Variants in MAP2K6 observed in about 807,000 individuals in gnomAD.
MAP2K6 encodes the protein dual specificity mitogen-activated protein kinase kinase 6.
Under a neutral mutation model 53.7 loss-of-function variants are expected in MAP2K6, and 16 were observed. The ratio of observed to expected loss-of-function variants is 0.30; its 90% CI spans 0.20 to 0.45. The LOEUF (loss-of-function observed/expected upper bound fraction) is 0.45, where lower values mean the gene tolerates loss of function less well. Ranked by LOEUF, MAP2K6 falls within the 20% of genes least tolerant of loss-of-function variation. The probability of loss-of-function intolerance (pLI) is 1.00; values close to 1 mark genes in which losing one functional copy is unlikely to be tolerated. For missense variants in MAP2K6, 204 were observed against 411.9 expected, an observed-to-expected ratio of 0.50 and a Z score of 4.37; for synonymous variants, 132 against 143.1, an observed-to-expected ratio of 0.92 and a Z score of 0.55.
rs1412551538 is a variant in MAP2K6 at position 69,463,962 on chromosome 17, C to T, written c.17-41818C>T. 5.9e-5 allele frequency among the ~76,000 whole-genome samples: 9 copies of T among 151,674 alleles called. No individual in the cohort carries two copies. In the South Asian group the frequency reaches 6.3e-4, roughly 11 times the overall value. ...TGAACCTGGGAGGCGGAGGTTGCAG[C>T]GAGCCGAGATTGCGCCACTGCACTC... On this transcript the variant is annotated intron_variant, in intron 1 of 11. Transcript: ENST00000590474.
intron 1 of MAP2K6, among the ~76,000 whole-genome samples, chr17:69,445,053 T>C (rs1323079788): frequency 2.6e-5 from 4 of 152,174 alleles, no homozygotes; most frequent in African/African-American, 4.8e-5. Context: ...CCCAAGTAGC[T>C]GAGATTACAA....
intron 2 of MAP2K6, among the ~76,000 whole-genome samples, chr17:69,511,849 G>A (rs919470715): frequency 1.3e-5 from 2 of 152,160 alleles, no homozygotes; most frequent in Non-Finnish European, 1.5e-5. Flanking sequence ...CGTGGTGGCG[G>A]GCACCTGTAA....
rs1016831149 is a variant in MAP2K6 at position 69,550,814 on chromosome 17, T to G, written c.*9061T>G. The G allele has an allele frequency of 2.0e-5, 3 of 152,186 alleles. No individual in the cohort carries two copies. The highest frequency in any genetic ancestry group is 7.2e-5 in the African/African-American group (3 of 41,434). The allele number at this position is 152,186 out of a possible 1,614,324, so 9.4% of individuals were successfully genotyped here. A position where few individuals can be genotyped will look rare whatever the true frequency, so the allele number is the denominator to read the frequency against. On this transcript the variant is annotated 3_prime_UTR_variant, in exon 12 of 12. Coordinates refer to ENST00000590474, the MANE Select transcript of MAP2K6 (RefSeq NM_002758.4). ...TTTAACTGGAAGTCTCTGTGGCCAT[T>G]AAAAACTTGGGAACGTTGGATTAAA...
At chr17:69,512,703 A>G (rs1177008565) in intron 2 of MAP2K6, among the ~76,000 whole-genome samples, 10 of 152,178 alleles carry the variant, frequency 6.6e-5, no homozygotes, top group East Asian at 1.9e-4. Context: ...ATGAGGTATT[A>G]TACCTTGATT....
At position 69,544,317 on chromosome 17, in the gene MAP2K6, A is replaced by C. The variant is rs1911790148; in HGVS notation, c.*2564A>C. 1.3e-5 allele frequency: 2 copies of C among 152,344 alleles called. No individual in the cohort carries two copies. Among genetic ancestry groups the C allele is most frequent in the Middle Eastern group, 6.8e-3 (2 of 294 alleles). The allele number at this position is 152,344 out of a possible 1,614,324, so 9.4% of individuals were successfully genotyped here. ...CTGTTATTAAATATCTTACACGGTA[A>C]AGTCAAAAGAATGACCTGATAGCCT... On this transcript the variant is annotated 3_prime_UTR_variant, in exon 12 of 12. Coordinates refer to ENST00000590474, the MANE Select transcript of MAP2K6 (RefSeq NM_002758.4).
At chr17:69,415,047 T>C in intron 1 of MAP2K6, 47 bp downstream of exon 1, 1 of 1,513,202 alleles carries the variant, frequency 6.6e-7, no homozygotes, top group Non-Finnish European at 9.1e-7. Flanking sequence ...GGGTTGTGCA[T>C]GCATTTATGA....
rs186610915 is a variant in MAP2K6 at position 69,510,126 on chromosome 17, G to A, written c.83+4280G>A. ...CTCCCAAAGTGCTGGGATTACAGGC[G>A]CGAGCCAACGTGCCCTGCCTGAGAA... is the stretch of plus-strand genomic sequence containing the variant. On this transcript the variant is annotated intron_variant, in intron 2 of 11. Coordinates refer to ENST00000590474, the MANE Select transcript of MAP2K6 (RefSeq NM_002758.4). Among the ~76,000 whole-genome samples, 8 of 152,258 alleles carry A rather than the reference G, an allele frequency of 5.3e-5. No homozygotes were observed. The East Asian group carries it at 1.2e-3, about 22-fold the overall frequency.
Position 69,520,335 on chromosome 17 carries a change from T to C in MAP2K6, c.432T>C (p.Ile144=). The change falls in exon 6 of 12, where the codon ATT becomes ATC. Residue 144 remains isoleucine (I), a synonymous_variant. Coordinates refer to ENST00000590474, the MANE Select transcript of MAP2K6 (RefSeq NM_002758.4). ...TSLDKFYKQV[I]DKGQTIPEDI... is the part of the protein sequence containing the mutation. ...TAGATAAATTCTACAAACAAGTTAT[T>C]GATAAAGGCCAGACAATTCCAGAGG... 1 of 1,613,020 alleles carries C rather than the reference T, an allele frequency of 6.2e-7. No homozygotes were observed.
intron 1 of MAP2K6, among the ~76,000 whole-genome samples, chr17:69,416,792 T>C (rs1456790289): frequency 2.0e-5 from 3 of 152,214 alleles, no homozygotes; most frequent in Non-Finnish European, 2.9e-5. Flanking sequence ...GTGATTTATC[T>C]ATTTGGGGGA....
At chr17:69,501,415 T>C (rs1400930904) in intron 1 of MAP2K6, among the ~76,000 whole-genome samples, 2 of 152,190 alleles carry the variant, frequency 1.3e-5, no homozygotes, top group Non-Finnish European at 2.9e-5. Context: ...GTGCAAGACC[T>C]CTCGTGTACC....
At chr17:69,466,259 C>T (rs1480343628) in intron 1 of MAP2K6, among the ~76,000 whole-genome samples, 3 of 148,234 alleles carry the variant, frequency 2.0e-5, no homozygotes, top group Non-Finnish European at 4.5e-5. Context: ...GCCACTACTC[C>T]AGCCTGGGTG....
chr17:69,449,600 T>C (rs1259545833), intron 1 of MAP2K6, among the ~76,000 whole-genome samples: 17 of 143,500 alleles, frequency 1.2e-4, no homozygotes, highest in Middle Eastern at 3.6e-3. Flanking sequence ...TTTTTCTTTC[T>C]TTCTCTCTCT....
At chr17:69,425,170 C>T (rs1254728268) in intron 1 of MAP2K6, among the ~76,000 whole-genome samples, 1 of 152,090 alleles carries the variant, frequency 6.6e-6, no homozygotes, top group Non-Finnish European at 1.5e-5. Context: ...GTAACAATTT[C>T]CTTGAAATGA....
At chr17:69,445,314 T>C (rs527840391) in intron 1 of MAP2K6, among the ~76,000 whole-genome samples, 11 of 152,348 alleles carry the variant, frequency 7.2e-5, no homozygotes, top group Non-Finnish European at 1.3e-4. Flanking sequence ...GAGAAAACTC[T>C]TGGGTCTTAG....
chr17:69,513,705 G>C (rs1041780486), intron 2 of MAP2K6, among the ~76,000 whole-genome samples: 1 of 151,990 alleles, frequency 6.6e-6, no homozygotes, highest in Admixed American at 6.6e-5. Flanking sequence ...GCTGAGCCCT[G>C]GTATATATAT....
chr17:69,536,066 A>G lies in MAP2K6; in HGVS notation c.882-49A>G, dbSNP rs748569599. The G allele has an allele frequency of 3.6e-5, 46 of 1,279,692 alleles. No individual in the cohort carries two copies. The Admixed American group carries it at 7.7e-4, about 22-fold the overall frequency. 79.3% of individuals were successfully genotyped at this position (1,279,692 alleles called of 1,614,324 possible). On this transcript the variant is annotated intron_variant, in intron 10 of 11. Transcript: ENST00000590474. Reference sequence around the variant, plus strand: ...CAGGTTCTGAAATCCTTGTCTAATGAAAATATATATGGCTTCTAGATTTTA... The same window carrying G: ...CAGGTTCTGAAATCCTTGTCTAATGGAAATATATATGGCTTCTAGATTTTA...
intron 1 of MAP2K6, among the ~76,000 whole-genome samples, chr17:69,465,521 C>T (rs1907765651): frequency 6.6e-6 from 1 of 152,134 alleles, no homozygotes; most frequent in South Asian, 2.1e-4. Context: ...CAAAAGGCCA[C>T]CTCCTGATAC....
At chr17:69,492,605 C>T (rs894874387) in intron 1 of MAP2K6, among the ~76,000 whole-genome samples, 1 of 152,142 alleles carries the variant, frequency 6.6e-6, no homozygotes, top group Admixed American at 6.6e-5. Flanking sequence ...AGGATCCATG[C>T]CTGTGGTGGC....
chr17:69,508,062 TTTTTTTG>T (rs1379135129), intron 2 of MAP2K6, among the ~76,000 whole-genome samples: 4 of 81,672 alleles, frequency 4.9e-5, no homozygotes, highest in African/African-American at 1.6e-4. Context: ...TTTTTTTTTT[TTTTTTTG>T]AGACGGAGTT....
Sources: allele counts gnomAD v4.1 joint callset (sites outside exome capture counted in the v4.1 genomes callset), GRCh38; gene constraint gnomAD v4.1.1; transcripts MANE v1.5; gene names NCBI Gene and HGNC (gene_info 2026-07-23, HGNC 2026-07-21).